The following C12orf42 variants were observed in gnomAD, a reference collection of about 807,000 sequenced individuals.
C12orf42 encodes chromosome 12 open reading frame 42.
Under a neutral mutation model 21.6 loss-of-function variants are expected in C12orf42, and 25 were observed. The observed-to-expected ratio is 1.16, with a 90% CI of 0.84 to 1.62. The LOEUF (loss-of-function observed/expected upper bound fraction) is 1.62. C12orf42 is among the 40% of genes most tolerant of loss of function. The pLI is 0.00. For missense variants in C12orf42, 483 were observed against 459.3 expected, an observed-to-expected ratio of 1.05 and a Z score of -0.47; for synonymous variants, 174 against 175.0, an observed-to-expected ratio of 0.99 and a Z score of 0.05.
the C12orf42 span, among the ~76,000 whole-genome samples, chr12:103,537,491 A>G: frequency 6.6e-6 from 1 of 152,190 alleles, no homozygotes; most frequent in African/African-American, 2.4e-5. Flanking sequence ...GTGACTTGCA[A>G]GAGTTTTACC....
intron 2 of C12orf42, among the ~76,000 whole-genome samples, chr12:103,420,968 A>G (rs1341358534): frequency 2.6e-5 from 4 of 152,214 alleles, no homozygotes; most frequent in Non-Finnish European, 5.9e-5. Context: ...CAGTGAACCT[A>G]TTCTTACACA....
chr12:103,541,476 A>T, the C12orf42 span, among the ~76,000 whole-genome samples: 1 of 152,200 alleles, frequency 6.6e-6, no homozygotes, highest in Non-Finnish European at 1.5e-5. Flanking sequence ...GCAACTCATT[A>T]TTCATGAATT....
the C12orf42 span, among the ~76,000 whole-genome samples, chr12:103,118,742 G>A: frequency 1.6e-5 from 2 of 123,490 alleles, no homozygotes; most frequent in South Asian, 2.8e-4. Context: ...AGCTTGCAGT[G>A]AGCTGAGATT....
chr12:103,375,044 T>G lies in C12orf42; in HGVS notation c.148-6046A>C, dbSNP rs187755011. ...AAATGAAGTATTTTGTTGCTGCCAA[T>G]GTAAGTAGTAAGCCATGGAGTAATG... On this transcript the variant is annotated intron_variant, in intron 3 of 5. Coordinates refer to ENST00000548883, the MANE Select transcript of C12orf42 (RefSeq NM_198521.5). Among the ~76,000 whole-genome samples, 312 of 152,296 alleles carry G rather than the reference T, an allele frequency of 2.0e-3. 3 individuals are homozygous for G. The highest frequency in any genetic ancestry group is 3.9e-3 in the Admixed American group (59 of 15,288).
the C12orf42 span, among the ~76,000 whole-genome samples, chr12:103,557,013 A>C: frequency 6.6e-6 from 1 of 151,846 alleles, no homozygotes; most frequent in African/African-American, 2.4e-5. Context: ...CCCTGCCAAC[A>C]CCTTGACTTC....
intron 3 of C12orf42, among the ~76,000 whole-genome samples, chr12:103,371,149 T>C (rs2045190869): frequency 6.6e-6 from 1 of 152,156 alleles, no homozygotes; most frequent in Non-Finnish European, 1.5e-5. Flanking sequence ...TAAGCAATAG[T>C]ATCCTACTGA....
chr12:103,073,412 TCTTTCTGTCTCCACTC>T, the C12orf42 span, among the ~76,000 whole-genome samples: 2 of 152,212 alleles, frequency 1.3e-5, no homozygotes, highest in African/African-American at 4.8e-5. Flanking sequence ...CTATTTTTCT[TCTTTCTGTCTCCACTC>T]CCAGACCATA....
intron 1 of C12orf42, among the ~76,000 whole-genome samples, chr12:103,483,113 T>C (rs1954585926): frequency 6.6e-6 from 1 of 152,196 alleles, no homozygotes; most frequent in African/African-American, 2.4e-5. Flanking sequence ...ACCTCTTTGC[T>C]TGTGGGTATT....
chr12:103,190,087 G>A, the C12orf42 span, among the ~76,000 whole-genome samples: 8 of 152,130 alleles, frequency 5.3e-5, no homozygotes, highest in Non-Finnish European at 1.0e-4. Context: ...TGGGGCAAAA[G>A]AGAAGCTGGT....
At chr12:103,498,065 A>G (rs1955617003), upstream of C12orf42, among the ~76,000 whole-genome samples, 1 of 152,182 alleles carries the variant, frequency 6.6e-6, no homozygotes, top group South Asian at 2.1e-4. Context: ...AGAGAAAACT[A>G]TTCATTTATT....
At chr12:103,051,623 T>G in the C12orf42 span, among the ~76,000 whole-genome samples, 1 of 152,174 alleles carries the variant, frequency 6.6e-6, no homozygotes, top group African/African-American at 2.4e-5. Flanking sequence ...CCATCCGCAT[T>G]TATGTGAATA....
intron 3 of C12orf42, among the ~76,000 whole-genome samples, chr12:103,387,092 C>G (rs2046675177): frequency 6.6e-6 from 1 of 152,210 alleles, no homozygotes; most frequent in Non-Finnish European, 1.5e-5. Context: ...AATAATTATT[C>G]TGGAACTTCA....
chr12:103,505,701 G>A, the C12orf42 span: 70 of 215,280 alleles, frequency 3.3e-4, 2 homozygotes, highest in Admixed American at 2.8e-3. Context: ...TAGATGGAGA[G>A]GACAGTTTCT....
At chr12:103,541,446 A>G in the C12orf42 span, among the ~76,000 whole-genome samples, 1 of 152,180 alleles carries the variant, frequency 6.6e-6, no homozygotes, top group African/African-American at 2.4e-5. Context: ...GTGATGTCAT[A>G]GCCATCCTAA....
chr12:103,479,094 CCT>C (rs1954280647), intron 1 of C12orf42, among the ~76,000 whole-genome samples: 1 of 151,908 alleles, frequency 6.6e-6, no homozygotes, highest in African/African-American at 2.4e-5. Flanking sequence ...TGCACAGGCC[CCT>C]GTGAGTTTCA....
chr12:103,452,605 A>G (rs1592876070), intron 2 of C12orf42, among the ~76,000 whole-genome samples: 1 of 152,166 alleles, frequency 6.6e-6, no homozygotes, highest in East Asian at 1.9e-4. Context: ...TATTCACAAT[A>G]GCAAAGACTT....
intron 3 of C12orf42, among the ~76,000 whole-genome samples, chr12:103,382,607 G>A (rs944777758): frequency 1.1e-4 from 16 of 152,182 alleles, no homozygotes; most frequent in South Asian, 2.1e-4. Flanking sequence ...TTAAATCAAC[G>A]CACCAAATGC....
At chr12:103,154,557 A>T in the C12orf42 span, among the ~76,000 whole-genome samples, 1 of 152,164 alleles carries the variant, frequency 6.6e-6, no homozygotes, top group East Asian at 1.9e-4. Context: ...CAAAGGAAGA[A>T]ATATCAGTAA....
At chr12:103,215,546 T>C in the C12orf42 span, among the ~76,000 whole-genome samples, 4 of 129,106 alleles carry the variant, frequency 3.1e-5, no homozygotes. Flanking sequence ...CCCCAAAGAT[T>C]TATTCTCTTT....
Sources: gnomAD v4.1 joint callset for allele counts (sites outside exome capture counted in the v4.1 genomes callset) on GRCh38, gnomAD v4.1.1 for gene constraint, MANE v1.5 for transcripts, NCBI Gene and HGNC (gene_info 2026-07-23, HGNC 2026-07-21) for gene names.